The following NRXN2 variants were observed in gnomAD, a reference collection of about 807,000 sequenced individuals.
NRXN2 encodes neurexin-2-beta.
NRXN2 carries 29 observed loss-of-function variants against 128.8 expected under a neutral mutation model. The ratio of observed to expected loss-of-function variants is 0.23; its 90% CI spans 0.17 to 0.31. The LOEUF (loss-of-function observed/expected upper bound fraction) is 0.31, where lower values mean the gene tolerates loss of function less well. Among genes scored for constraint, NRXN2 ranks in the 10% least tolerant of loss-of-function variants. The pLI, the probability that NRXN2 is intolerant of heterozygous loss-of-function variation, is 1.00. For synonymous variants in NRXN2, 1,098 were observed against 1,075.2 expected (o/e 1.02, Z -0.41); for missense variants, 1,881 against 2,452.6 (o/e 0.77, Z 4.92).
chr11:64,617,498 T>C (rs1290167447), intron 22 of NRXN2, among the ~76,000 whole-genome samples: 2 of 152,082 alleles, frequency 1.3e-5, no homozygotes, highest in Non-Finnish European at 2.9e-5. Flanking sequence ...ACCGTGTAGA[T>C]GATGGTCTCA....
chr11:64,721,284 C>T (rs969906813), intron 1 of NRXN2, among the ~76,000 whole-genome samples: 3 of 151,752 alleles, frequency 2.0e-5, no homozygotes, highest in African/African-American at 7.3e-5. Flanking sequence ...AAGAGGGGTC[C>T]CCACCAGCCA....
At chr11:64,717,246 CT>C (rs1338180449) in intron 1 of NRXN2, among the ~76,000 whole-genome samples, 1 of 152,224 alleles carries the variant, frequency 6.6e-6, no homozygotes, top group East Asian at 1.9e-4. Flanking sequence ...GCCCACTTTT[CT>C]TCTTCCATTG....
At chr11:64,671,964 A>G (rs1017595500) in intron 7 of NRXN2, among the ~76,000 whole-genome samples, 9 of 152,140 alleles carry the variant, frequency 5.9e-5, no homozygotes, top group African/African-American at 2.2e-4. Context: ...CCTTCCAAAC[A>G]GCATCACTGA....
intron 21 of NRXN2, among the ~76,000 whole-genome samples, chr11:64,621,060 G>A (rs928708391): frequency 1.3e-5 from 2 of 152,076 alleles, no homozygotes; most frequent in Non-Finnish European, 2.9e-5. Context: ...AAGGGAGCGC[G>A]AGAAACTGCG....
intron 4 of NRXN2, among the ~76,000 whole-genome samples, chr11:64,691,298 C>G (rs1425875800): frequency 6.6e-6 from 1 of 152,258 alleles, no homozygotes; most frequent in Non-Finnish European, 1.5e-5. Flanking sequence ...TACCACCCCA[C>G]TCATCAGCAG....
chr11:64,720,982 C>T (rs899184506), intron 1 of NRXN2, among the ~76,000 whole-genome samples: 2 of 151,878 alleles, frequency 1.3e-5, no homozygotes, highest in South Asian at 2.1e-4. Context: ...GGCAGTGCTG[C>T]GCTGGGGGCT....
chr11:64,713,685 G>T lies in NRXN2; in HGVS notation c.15C>A (p.Ser5Arg). The T allele has an allele frequency of 8.8e-7, 1 of 1,134,516 alleles. No individual in the cohort carries two copies. Among genetic ancestry groups the T allele is most frequent in the Non-Finnish European group, 1.1e-6 (1 of 928,792 alleles). The allele number at this position is 1,134,516 out of a possible 1,614,324, so 70.3% of individuals were successfully genotyped here. ...GCGGCGGCGGTGTCGGCCGCCACCG[G>T]CTCCCGGACGCCATGCCTACGGCGG... is the stretch of plus-strand genomic sequence containing the variant. The part of the protein sequence containing the change: MASG[S>R]RWRPTPPPLL... The change falls in exon 2 of 23, where the codon AGC (serine) becomes AGA (arginine). Residue 5 changes from serine to arginine, a missense_variant. Around this residue, in one of 7 missense-constraint regions of NRXN2, gnomAD observed 997 missense variants for 1,240.8 expected, o/e 0.80. Coordinates refer to ENST00000265459, the MANE Select transcript of NRXN2 (RefSeq NM_015080.4).
At position 64,632,631 on chromosome 11, in the gene NRXN2, G is replaced by T. The variant is rs1189272432; in HGVS notation, c.3586-2058C>A. ...CCAGGCTGGCAGAGTGCCGGCCAGG[G>T]AGCTGGGAGGCAGGACACCTGGGTT... is the stretch of plus-strand genomic sequence containing the variant. On this transcript the variant is annotated intron_variant, in intron 18 of 22. Coordinates refer to ENST00000265459, the MANE Select transcript of NRXN2 (RefSeq NM_015080.4). This position sits in a 1 kb window ranked among gnomAD's most constrained non-coding sequence, Gnocchi z 4.2. Among the ~76,000 whole-genome samples the T allele has an allele frequency of 6.6e-6, 1 of 152,148 alleles. No individual in the cohort carries two copies. The highest frequency in any genetic ancestry group is 2.4e-5 in the African/African-American group (1 of 41,428).
At chr11:64,691,759 A>G (rs945515312) in intron 4 of NRXN2, among the ~76,000 whole-genome samples, 5 of 152,162 alleles carry the variant, frequency 3.3e-5, no homozygotes, top group African/African-American at 1.2e-4. Context: ...ACTTCTTGCC[A>G]TAATTCCACA....
At position 64,713,725 on chromosome 11, in the gene NRXN2, G is replaced by A. The variant is rs2057179534; in HGVS notation, c.-26C>T. ...GCCTACGGCGGCCCCGGCCCCGCCCGGCCCCCGGCCCCCGCTCAGGCTTCA... is the reference window on the plus strand; with the variant it reads ...GCCTACGGCGGCCCCGGCCCCGCCCAGCCCCCGGCCCCCGCTCAGGCTTCA... On this transcript the variant is annotated 5_prime_UTR_variant, in exon 2 of 23. Coordinates refer to ENST00000265459, the MANE Select transcript of NRXN2 (RefSeq NM_015080.4). 2 of 1,024,122 alleles carry A rather than the reference G, an allele frequency of 2.0e-6. No individual in the cohort carries two copies. Among genetic ancestry groups the A allele is most frequent in the Non-Finnish European group, 2.3e-6 (2 of 855,628 alleles). The allele number at this position is 1,024,122 out of a possible 1,614,324, so 63.4% of individuals were successfully genotyped here. A position where few individuals can be genotyped will look rare whatever the true frequency, so the allele number is the denominator to read the frequency against.
intron 7 of NRXN2, among the ~76,000 whole-genome samples, chr11:64,668,826 C>T (rs577144510): frequency 1.3e-5 from 2 of 152,276 alleles, no homozygotes; most frequent in Admixed American, 1.3e-4. Context: ...AAGACCTGCC[C>T]TCTGGCCCCC....
At position 64,635,614 on chromosome 11, in the gene NRXN2, T is replaced by C. The variant is rs894146821; in HGVS notation, c.3404-162A>G. Among the ~76,000 whole-genome samples the C allele has an allele frequency of 1.3e-5, 2 of 151,942 alleles. No individual in the cohort carries two copies. Among genetic ancestry groups the C allele is most frequent in the Non-Finnish European group, 2.9e-5 (2 of 67,960 alleles). ...CCAGCCCTGCCACCCCAGGGAGAAG[T>C]TGGCAGGCGGGTGCCTGGGTGAGAG... On this transcript the variant is annotated intron_variant, in intron 17 of 22. Transcript: ENST00000265459. This position sits in a 1 kb window ranked among gnomAD's most constrained non-coding sequence, Gnocchi z 4.8.
intron 22 of NRXN2, among the ~76,000 whole-genome samples, chr11:64,612,379 C>T (rs2040802766): frequency 6.6e-6 from 1 of 152,176 alleles, no homozygotes; most frequent in African/African-American, 2.4e-5. Context: ...CCCCAGGCAG[C>T]CTCCCGCCTC....
chr11:64,702,206 C>T (rs2055561290), intron 2 of NRXN2, among the ~76,000 whole-genome samples: 2 of 151,296 alleles, frequency 1.3e-5, no homozygotes, highest in South Asian at 2.1e-4. Flanking sequence ...CCGGGCCAGC[C>T]GCCCCGTCCG....
chr11:64,650,470 G>A lies in NRXN2; in HGVS notation c.3087C>T (p.Gly1029=), dbSNP rs759116150. 5.6e-6 allele frequency: 9 copies of A among 1,614,062 alleles called. No homozygotes were observed. The highest frequency in any genetic ancestry group is 4.5e-5 in the East Asian group (2 of 44,880). The part of the protein sequence containing the change: ...DSRTVTQHSN[G]ARNLDLKGEL... ...CACCTTTGAGATCGAGGTTTCGGGC[G>A]CCATTGGAGTGCTGCGTGACAGTGC... The change falls in exon 15 of 23, where the codon GGC becomes GGT. Residue 1029 remains glycine, a synonymous_variant. Coordinates refer to ENST00000265459, the MANE Select transcript of NRXN2 (RefSeq NM_015080.4).
chr11:64,675,015 T>C (rs2051115003), intron 7 of NRXN2, among the ~76,000 whole-genome samples: 2 of 152,030 alleles, frequency 1.3e-5, no homozygotes. Context: ...GTCCTAATTC[T>C]AGGATGGTAT....
intron 17 of NRXN2, chr11:64,642,680 G>C (rs1206752529): frequency 1.3e-6 from 2 of 1,556,402 alleles, no homozygotes; most frequent in African/African-American, 2.8e-5. Context: ...AGCAGCAACA[G>C]CAGCAACAGC....
At position 64,649,288 on chromosome 11, in the gene NRXN2, T is replaced by C. The variant is rs1247289089; in HGVS notation, c.3110-381A>G. Among the ~76,000 whole-genome samples the C allele has an allele frequency of 2.0e-5, 3 of 151,818 alleles. No homozygotes were observed. In the East Asian group the frequency reaches 5.8e-4, roughly 29 times the overall value. ...ATTCCCTCCCTCCCAAAGTTTCCCA[T>C]TCCCAGAACTCCTTCAAGCCTTTCC... On this transcript the variant is annotated intron_variant, in intron 15 of 22. Coordinates refer to ENST00000265459, the MANE Select transcript of NRXN2 (RefSeq NM_015080.4).
chr11:64,706,110 A>ATATATATAATATATATTATATATATAAAG (rs1439807780), intron 2 of NRXN2, among the ~76,000 whole-genome samples: 1 of 1,734 alleles, frequency 5.8e-4, no homozygotes, highest in African/African-American at 3.8e-3. Flanking sequence ...TATATAAAGT[A>ATATATATAATATATATTATATATATAAAG]TATATATATA....
Sources: allele counts gnomAD v4.1 joint callset (sites outside exome capture counted in the v4.1 genomes callset), GRCh38; gene constraint gnomAD v4.1.1; regional missense constraint gnomAD v4.1.1; non-coding constraint Gnocchi (gnomAD v3.1); transcripts MANE v1.5; gene names NCBI Gene and HGNC (gene_info 2026-07-23, HGNC 2026-07-21).